Variants in EPC1 observed in about 807,000 individuals in gnomAD.
The protein encoded by EPC1 is enhancer of polycomb 1, also known as enhancer of polycomb homolog 1.
EPC1 carries 12 observed loss-of-function variants against 98.4 expected under a neutral mutation model. The observed-to-expected ratio is 0.12, with a 90% CI of 0.08 to 0.20. EPC1 has a LOEUF of 0.20. Ranked by LOEUF, EPC1 falls within the 10% of genes least tolerant of loss-of-function variation. The probability of loss-of-function intolerance (pLI) is 1.00; values close to 1 mark genes in which losing one functional copy is unlikely to be tolerated. For synonymous variants in EPC1, 357 were observed against 363.9 expected, an observed-to-expected ratio of 0.98 and a Z score of 0.21; for missense variants, 729 against 990.5, an observed-to-expected ratio of 0.74 and a Z score of 3.54.
intron 10 of EPC1, among the ~76,000 whole-genome samples, chr10:32,276,255 A>C (rs1462543152): frequency 6.6e-6 from 1 of 152,238 alleles, no homozygotes; most frequent in Non-Finnish European, 1.5e-5. Flanking sequence ...ATACGCCTGT[A>C]ATCCCAGCAC....
chr10:32,330,652 T>TTTTATTCAAATTTAAGATTTTATTCAAA, intron 1 of EPC1, among the ~76,000 whole-genome samples: 1 of 152,168 alleles, frequency 6.6e-6, no homozygotes, highest in East Asian at 1.9e-4. Flanking sequence ...AAATCCCAGA[T>TTTTATTCAAATTTAAGATTTTATTCAAA]TTTATTCAAA....
chr10:32,296,935 G>C (rs1835205244), intron 2 of EPC1, among the ~76,000 whole-genome samples: 1 of 151,474 alleles, frequency 6.6e-6, no homozygotes, highest in Admixed American at 6.6e-5. Context: ...TAAATAGGAA[G>C]AGTACCCAAT....
At chr10:32,361,380 C>A (rs1839438516) in intron 1 of EPC1, among the ~76,000 whole-genome samples, 1 of 152,074 alleles carries the variant, frequency 6.6e-6, no homozygotes, top group African/African-American at 2.4e-5. Flanking sequence ...AATATGCCAC[C>A]CCCAAAATTT....
intron 1 of EPC1, among the ~76,000 whole-genome samples, chr10:32,368,912 T>C (rs1038472430): frequency 2.6e-5 from 4 of 152,190 alleles, no homozygotes; most frequent in Non-Finnish European, 4.4e-5. Context: ...GATTAAGTAA[T>C]ATTACTTTGT....
At chr10:32,318,857 G>T (rs1340375239) in intron 1 of EPC1, among the ~76,000 whole-genome samples, 2 of 152,052 alleles carry the variant, frequency 1.3e-5, no homozygotes, top group Non-Finnish European at 2.9e-5. Flanking sequence ...GTCTTTCTAA[G>T]AGTTTGACCA....
At chr10:32,345,820 G>T (rs1488134128) in intron 1 of EPC1, among the ~76,000 whole-genome samples, 4 of 152,176 alleles carry the variant, frequency 2.6e-5, no homozygotes, top group Admixed American at 2.0e-4. Flanking sequence ...GAATAAGAAA[G>T]GATCCTCCTT....
upstream of EPC1, among the ~76,000 whole-genome samples, chr10:32,348,941 T>C (rs2133077702): frequency 6.6e-6 from 1 of 152,264 alleles, no homozygotes; most frequent in South Asian, 2.1e-4. Flanking sequence ...GTAGGATAAG[T>C]GTGGGTTAAC....
intron 1 of EPC1, among the ~76,000 whole-genome samples, chr10:32,340,919 CA>C (rs1444703787): frequency 1.1e-5 from 1 of 87,116 alleles, no homozygotes; most frequent in Non-Finnish European, 2.8e-5. Flanking sequence ...TTATTCTTAC[CA>C]AAAAGTTATT....
chr10:32,367,294 C>T (rs889429191), intron 1 of EPC1, among the ~76,000 whole-genome samples: 2 of 152,182 alleles, frequency 1.3e-5, no homozygotes, highest in African/African-American at 4.8e-5. Context: ...CCCAGCCTTT[C>T]GCTATTCTTA....
At chr10:32,292,866 G>A (rs1026099322) in intron 4 of EPC1, 122 bp downstream of exon 4, 4 of 767,560 alleles carry the variant, frequency 5.2e-6, no homozygotes, top group African/African-American at 3.6e-5. Context: ...TTCAATTTAA[G>A]TATTTTTCTT....
intron 1 of EPC1, among the ~76,000 whole-genome samples, chr10:32,355,678 G>A (rs1025058304): frequency 6.7e-5 from 9 of 134,050 alleles, no homozygotes; most frequent in South Asian, 2.3e-4. Flanking sequence ...GCAGTGGCAT[G>A]ATCTTGGCTG....
chr10:32,320,537 A>G (rs1836844120), intron 1 of EPC1, among the ~76,000 whole-genome samples: 1 of 152,158 alleles, frequency 6.6e-6, no homozygotes, highest in African/African-American at 2.4e-5. Context: ...GTATGCCAAA[A>G]TCCATTATGA....
At chr10:32,278,279 T>A (rs1836203855) in intron 10 of EPC1, among the ~76,000 whole-genome samples, 2 of 150,634 alleles carry the variant, frequency 1.3e-5, no homozygotes, top group South Asian at 4.2e-4. Context: ...TGCCCTCAAG[T>A]GATCCACCTG....
upstream of EPC1, among the ~76,000 whole-genome samples, chr10:32,350,480 G>A (rs2133080872): frequency 6.6e-6 from 1 of 152,322 alleles, no homozygotes; most frequent in Non-Finnish European, 1.5e-5. Flanking sequence ...TATTATAGAA[G>A]AAAGAACATT....
At chr10:32,359,721 G>T (rs991337838) in intron 1 of EPC1, among the ~76,000 whole-genome samples, 1 of 152,048 alleles carries the variant, frequency 6.6e-6, no homozygotes, top group Non-Finnish European at 1.5e-5. Flanking sequence ...TGTTGTAAAG[G>T]CTTCAAAACT....
At chr10:32,316,863 A>T (rs1306280618) in intron 1 of EPC1, among the ~76,000 whole-genome samples, 1 of 152,236 alleles carries the variant, frequency 6.6e-6, no homozygotes, top group Non-Finnish European at 1.5e-5. Flanking sequence ...TGCATACTGA[A>T]GTATTTAGGA....
intron 1 of EPC1, among the ~76,000 whole-genome samples, chr10:32,353,588 T>C (rs1301066574): frequency 6.6e-6 from 1 of 152,190 alleles, no homozygotes. Context: ...TACTAAGAGC[T>C]AAGGCAAGAC....
chr10:32,281,912 C>G (rs957336817), intron 10 of EPC1: 1 of 152,214 alleles, frequency 6.6e-6, no homozygotes, highest in Non-Finnish European at 1.5e-5. Context: ...CTCAGGTGAT[C>G]TGCCCGCCTC....
intron 1 of EPC1, among the ~76,000 whole-genome samples, chr10:32,362,651 T>G (rs1384017322): frequency 2.0e-5 from 3 of 152,184 alleles, no homozygotes; most frequent in African/African-American, 7.2e-5. Flanking sequence ...CTCAGGTATT[T>G]ACGGCAATGC....
Sources: gnomAD v4.1 joint callset for allele counts (sites outside exome capture counted in the v4.1 genomes callset) on GRCh38, gnomAD v4.1.1 for gene constraint, MANE v1.5 for transcripts, NCBI Gene and HGNC (gene_info 2026-07-23, HGNC 2026-07-21) for gene names.